ZCWPW2: variants seen among roughly 807,000 people sequenced by gnomAD.
The protein encoded by ZCWPW2 is zinc finger CW-type PWWP domain protein 2.
In ZCWPW2, 45 loss-of-function variants were observed where a neutral mutation model predicts 46.6. The ratio of observed to expected loss-of-function variants is 0.96; its 90% confidence interval spans 0.76 to 1.24. The LOEUF (loss-of-function observed/expected upper bound fraction) is 1.24. ZCWPW2 is among the 50% of genes most tolerant of loss of function. ZCWPW2 has a pLI of 0.00. For synonymous variants in ZCWPW2, 152 were observed against 137.1 expected (o/e 1.11, Z -0.76); for missense variants, 429 against 403.9 (o/e 1.06, Z -0.53).
rs149524767 is a variant in ZCWPW2 at position 28,451,162 on chromosome 3, A to G, written c.492+15893A>G. On this transcript the variant is annotated intron_variant, in intron 4 of 9. Coordinates refer to ENST00000383768, the MANE Select transcript of ZCWPW2 (RefSeq NM_001040432.4). ...AACATGTGCTGTGATGACTCCAATA[A>G]CAAAAAGAGGCCACTAATGTTTATA... Among the ~76,000 whole-genome samples, 24 of 152,290 alleles carry G rather than the reference A, an allele frequency of 1.6e-4. No homozygotes were observed. In the East Asian group the frequency reaches 3.5e-3, roughly 22 times the overall value.
At chr3:28,370,592 A>G (rs1301929160) in intron 1 of ZCWPW2, among the ~76,000 whole-genome samples, 1 of 152,234 alleles carries the variant, frequency 6.6e-6, no homozygotes, top group Admixed American at 6.5e-5. Context: ...GGGAGAGGTT[A>G]TAAGATATCT....
intron 4 of ZCWPW2, among the ~76,000 whole-genome samples, chr3:28,473,446 G>T (rs1575176587): frequency 6.6e-6 from 1 of 151,948 alleles, no homozygotes; most frequent in Non-Finnish European, 1.5e-5. Context: ...CTGCACTCCA[G>T]CTTGGGTGAC....
intron 1 of ZCWPW2, among the ~76,000 whole-genome samples, chr3:28,378,909 G>A (rs553265405): frequency 6.6e-5 from 10 of 152,108 alleles, no homozygotes; most frequent in Non-Finnish European, 1.3e-4. Context: ...TATGCAGAGG[G>A]AGTGGAGATT....
At chr3:28,388,944 C>T (rs1476639385) in intron 1 of ZCWPW2, among the ~76,000 whole-genome samples, 1 of 152,162 alleles carries the variant, frequency 6.6e-6, no homozygotes, top group Non-Finnish European at 1.5e-5. Flanking sequence ...GTTTCTCTTC[C>T]ATTGTGAAGC....
At chr3:28,353,999 A>G (rs1339385056) in intron 1 of ZCWPW2, among the ~76,000 whole-genome samples, 1 of 152,204 alleles carries the variant, frequency 6.6e-6, no homozygotes, top group Admixed American at 6.5e-5. Flanking sequence ...TCAATATTTG[A>G]CAAATTATTG....
chr3:28,431,229 T>C (rs1697243567), intron 3 of ZCWPW2, among the ~76,000 whole-genome samples: 1 of 152,056 alleles, frequency 6.6e-6, no homozygotes, highest in Non-Finnish European at 1.5e-5. Flanking sequence ...TATCTTTGTA[T>C]CATTTTTCCT....
intron 4 of ZCWPW2, among the ~76,000 whole-genome samples, chr3:28,458,185 C>T (rs553446324): frequency 2.0e-4 from 30 of 152,266 alleles, no homozygotes; most frequent in Middle Eastern, 3.4e-3. Flanking sequence ...TTATGAATTA[C>T]AGCTCTGTCT....
intron 4 of ZCWPW2, among the ~76,000 whole-genome samples, chr3:28,464,176 G>A (rs1698740575): frequency 6.6e-6 from 1 of 151,874 alleles, no homozygotes; most frequent in South Asian, 2.1e-4. Flanking sequence ...GTGTCTTGGA[G>A]CTTGAGCAAT....
chr3:28,511,352 G>T (rs886645269), intron 6 of ZCWPW2, among the ~76,000 whole-genome samples: 3 of 152,022 alleles, frequency 2.0e-5, no homozygotes, highest in African/African-American at 7.2e-5. Flanking sequence ...ATGTAAACAA[G>T]ATTTTAAATG....
At chr3:28,376,577 G>A (rs1705506216) in intron 1 of ZCWPW2, among the ~76,000 whole-genome samples, 2 of 152,088 alleles carry the variant, frequency 1.3e-5, no homozygotes, top group African/African-American at 4.8e-5. Flanking sequence ...ATAGAAGTCT[G>A]ATTCTCTATA....
intron 4 of ZCWPW2, among the ~76,000 whole-genome samples, chr3:28,475,321 C>G (rs1259092773): frequency 6.6e-6 from 1 of 152,100 alleles, no homozygotes; most frequent in Non-Finnish European, 1.5e-5. Context: ...AAATTATGTC[C>G]AGAATCCTAA....
At chr3:28,377,228 CA>C (rs1705528553) in intron 1 of ZCWPW2, among the ~76,000 whole-genome samples, 1 of 152,026 alleles carries the variant, frequency 6.6e-6, no homozygotes, top group Non-Finnish European at 1.5e-5. Context: ...TTCATTTTTG[CA>C]TCATGCAATT....
At chr3:28,448,771 T>G (rs1698100521) in intron 4 of ZCWPW2, among the ~76,000 whole-genome samples, 2 of 84,380 alleles carry the variant, frequency 2.4e-5, no homozygotes, top group Non-Finnish European at 4.5e-5. Context: ...GGCTACCAAG[T>G]GAGACTCTGT....
intron 4 of ZCWPW2, chr3:28,478,495 ATTAT>A (rs1199681886): frequency 6.0e-6 from 1 of 165,680 alleles, no homozygotes; most frequent in East Asian, 1.8e-4. Context: ...GGAAATCAAC[ATTAT>A]TCTTATTAAA....
At chr3:28,422,741 C>T (rs1401109169) in intron 3 of ZCWPW2, among the ~76,000 whole-genome samples, 3 of 151,992 alleles carry the variant, frequency 2.0e-5, no homozygotes, top group African/African-American at 7.2e-5. Flanking sequence ...CCAAGGACTG[C>T]AATTGCTGGA....
At chr3:28,477,803 A>G (rs980615827) in intron 4 of ZCWPW2, among the ~76,000 whole-genome samples, 3 of 152,150 alleles carry the variant, frequency 2.0e-5, no homozygotes, top group Non-Finnish European at 4.4e-5. Flanking sequence ...ATAAATAGCC[A>G]TATTCCTTTT....
chr3:28,451,148 TG>T (rs2125779705), intron 4 of ZCWPW2, among the ~76,000 whole-genome samples: 1 of 152,326 alleles, frequency 6.6e-6, no homozygotes, highest in Admixed American at 6.5e-5. Flanking sequence ...ACATGTGCTG[TG>T]ATGACTCCAA....
intron 3 of ZCWPW2, among the ~76,000 whole-genome samples, chr3:28,434,105 A>G (rs1011006466): frequency 3.9e-5 from 6 of 152,134 alleles, no homozygotes; most frequent in African/African-American, 1.4e-4. Context: ...TACATTCACA[A>G]TCAGGAATTT....
chr3:28,391,920 C>T (rs1025561309), intron 2 of ZCWPW2, among the ~76,000 whole-genome samples: 2 of 152,082 alleles, frequency 1.3e-5, no homozygotes, highest in East Asian at 3.8e-4. Flanking sequence ...ACAAAACAGC[C>T]AGAAAAAATT....
Sources: allele counts gnomAD v4.1 joint callset (sites outside exome capture counted in the v4.1 genomes callset), GRCh38; gene constraint gnomAD v4.1.1; transcripts MANE v1.5; gene names NCBI Gene and HGNC (gene_info 2026-07-23, HGNC 2026-07-21).